Variants in PTPRD observed in about 807,000 individuals in gnomAD.
The protein encoded by PTPRD is receptor-type tyrosine-protein phosphatase delta.
A neutral mutation model predicts 214.5 loss-of-function variants in PTPRD; 34 were observed. That is an observed-to-expected ratio of 0.16 (90% confidence interval 0.12 to 0.21). The LOEUF (loss-of-function observed/expected upper bound fraction) is 0.21. Among genes scored for constraint, PTPRD ranks in the 10% least tolerant of loss-of-function variants. The pLI is 1.00. For synonymous variants in PTPRD, 1,128 were observed against 845.7 expected (o/e 1.33, Z -5.79); for missense variants, 2,545 against 2,398.7 (o/e 1.06, Z -1.27).
At chr9:9,179,868 A>G (rs2099927152) in intron 10 of PTPRD, among the ~76,000 whole-genome samples, 1 of 152,112 alleles carries the variant, frequency 6.6e-6, no homozygotes, top group African/African-American at 2.4e-5. Context: ...TCATCCTAAC[A>G]TGGAGATAAA....
intron 39 of PTPRD, among the ~76,000 whole-genome samples, chr9:8,365,710 C>CTTGT (rs1456014059): frequency 6.6e-6 from 1 of 152,138 alleles, no homozygotes; most frequent in African/African-American, 2.4e-5. Flanking sequence ...TGGCCCCTGA[C>CTTGT]TTGTTTTAAA....
intron 9 of PTPRD, among the ~76,000 whole-genome samples, chr9:9,295,031 T>C (rs934717189): frequency 1.3e-5 from 2 of 151,752 alleles, no homozygotes; most frequent in African/African-American, 4.8e-5. Flanking sequence ...ATTAGTTAAA[T>C]TAAATTTGAT....
chr9:10,429,183 T>C (rs1329041715), intron 2 of PTPRD, among the ~76,000 whole-genome samples: 3 of 152,102 alleles, frequency 2.0e-5, no homozygotes, highest in Admixed American at 1.3e-4. Flanking sequence ...CAGAACATTA[T>C]AGATATTGTT....
chr9:9,154,963 T>A (rs181871088), intron 10 of PTPRD, among the ~76,000 whole-genome samples: 168 of 152,310 alleles, frequency 1.1e-3, no homozygotes, highest in African/African-American at 3.9e-3. Flanking sequence ...CTTGTGTGCT[T>A]GTGTCTGGTT....
intron 4 of PTPRD, among the ~76,000 whole-genome samples, chr9:10,016,354 A>AGAT (rs1411466438): frequency 1.7e-5 from 2 of 114,362 alleles, no homozygotes; most frequent in East Asian, 4.8e-4. Context: ...GATGATAGAA[A>AGAT]GATTAGATAG....
At chr9:9,314,634 G>A (rs1475595853) in intron 9 of PTPRD, among the ~76,000 whole-genome samples, 1 of 152,004 alleles carries the variant, frequency 6.6e-6, no homozygotes, top group Non-Finnish European at 1.5e-5. Context: ...CTTATGGTAG[G>A]AAGGTAATAA....
At chr9:8,860,000 A>C (rs1478678925) in intron 11 of PTPRD, 1 of 152,170 alleles carries the variant, frequency 6.6e-6, no homozygotes, top group Non-Finnish European at 1.5e-5. Flanking sequence ...GCCCCCTGTG[A>C]CCTAAGGATG....
In PTPRD at chr9:9,283,085, T is replaced by C. The variant is rs114555028; in HGVS notation, c.-202-99722A>G. On this transcript the variant is annotated intron_variant, in intron 9 of 45. Coordinates refer to ENST00000381196, the MANE Select transcript of PTPRD (RefSeq NM_002839.4). The stretch of plus-strand genomic sequence containing the variant: ...TTGGTGTGATAACCAAAAAAACTCA[T>C]GTCATGGAAGAATACATAGGAAAGC... Among the ~76,000 whole-genome samples, 1,281 of 151,518 alleles carry C rather than the reference T, an allele frequency of 8.5e-3. 17 individuals carry two copies. The highest frequency in any genetic ancestry group is 0.029 in the African/African-American group (1,221 of 41,478).
chr9:10,338,180 G>A (rs1045811120), intron 3 of PTPRD, among the ~76,000 whole-genome samples: 2 of 151,566 alleles, frequency 1.3e-5, no homozygotes, highest in Non-Finnish European at 3.0e-5. Flanking sequence ...AGGAAACAGT[G>A]CTGAGAAACC....
chr9:9,618,397 AC>A (rs908216396), intron 7 of PTPRD, among the ~76,000 whole-genome samples: 8 of 152,174 alleles, frequency 5.3e-5, no homozygotes, highest in African/African-American at 1.7e-4. Flanking sequence ...GAAAAAAAAA[AC>A]AATAATATAG....
At chr9:9,045,629 G>A (rs2099670257) in intron 10 of PTPRD, among the ~76,000 whole-genome samples, 2 of 152,050 alleles carry the variant, frequency 1.3e-5, no homozygotes, top group African/African-American at 2.4e-5. Flanking sequence ...TTTCCTCTGT[G>A]CACCCCAATC....
intron 11 of PTPRD, among the ~76,000 whole-genome samples, chr9:9,001,196 G>C (rs774315935): frequency 5.3e-5 from 8 of 152,110 alleles, no homozygotes; most frequent in Non-Finnish European, 8.8e-5. Context: ...ATGAAGTACT[G>C]TTCTAGGTCC....
At chr9:10,539,201 T>A (rs2135184890) in intron 2 of PTPRD, among the ~76,000 whole-genome samples, 1 of 152,352 alleles carries the variant, frequency 6.6e-6, no homozygotes, top group South Asian at 2.1e-4. Context: ...TGTTGTTGTT[T>A]TGAGGTGGAG....
At chr9:9,655,453 C>T (rs558532911) in intron 7 of PTPRD, among the ~76,000 whole-genome samples, 94 of 150,982 alleles carry the variant, frequency 6.2e-4, no homozygotes, top group African/African-American at 2.3e-3. Context: ...TTTGTGGTCC[C>T]AGCTACACAG....
At chr9:8,495,540 G>C (rs2097245372) in intron 26 of PTPRD, among the ~76,000 whole-genome samples, 1 of 152,116 alleles carries the variant, frequency 6.6e-6, no homozygotes, top group African/African-American at 2.4e-5. Context: ...AGTAGGTTGT[G>C]AAATCAATTT....
At chr9:9,935,332 T>TGC (rs2088781275) in intron 5 of PTPRD, among the ~76,000 whole-genome samples, 3 of 152,202 alleles carry the variant, frequency 2.0e-5, no homozygotes, top group African/African-American at 2.4e-5. Context: ...AACCCCATCA[T>TGC]CGTCTCAGCC....
At chr9:9,294,742 C>G (rs1595342560) in intron 9 of PTPRD, among the ~76,000 whole-genome samples, 1 of 151,740 alleles carries the variant, frequency 6.6e-6, no homozygotes, top group Admixed American at 6.6e-5. Flanking sequence ...AGAAATATGA[C>G]AAAATGAATT....
chr9:9,781,570 A>G (rs2098842959), intron 5 of PTPRD, among the ~76,000 whole-genome samples: 1 of 152,194 alleles, frequency 6.6e-6, no homozygotes, highest in South Asian at 2.1e-4. Flanking sequence ...GAAGGCATGT[A>G]ACACAGGAAG....
At chr9:9,921,603 A>C (rs1242600814) in intron 5 of PTPRD, among the ~76,000 whole-genome samples, 2 of 151,610 alleles carry the variant, frequency 1.3e-5, no homozygotes, top group Non-Finnish European at 2.9e-5. Context: ...CTCAGGGGAA[A>C]AAAATGGCAG....
Sources: gnomAD v4.1 joint callset for allele counts (sites outside exome capture counted in the v4.1 genomes callset) on GRCh38, gnomAD v4.1.1 for gene constraint, MANE v1.5 for transcripts, NCBI Gene and HGNC (gene_info 2026-07-23, HGNC 2026-07-21) for gene names.